Variants in FTO observed in about 807,000 individuals in gnomAD.
FTO encodes the protein FTO alpha-ketoglutarate dependent dioxygenase.
Under a neutral mutation model 63.9 loss-of-function variants are expected in FTO, and 47 were observed. That is an observed-to-expected ratio of 0.74 (90% CI 0.58 to 0.94). The LOEUF (loss-of-function observed/expected upper bound fraction) is 0.94, where lower values mean the gene tolerates loss of function less well. Ranked by LOEUF, FTO falls within the 40% of genes least tolerant of loss-of-function variation. The probability of loss-of-function intolerance (pLI) is 0.00; values close to 1 mark genes in which losing one functional copy is unlikely to be tolerated. For synonymous variants in FTO, 207 were observed against 224.4 expected, an observed-to-expected ratio of 0.92 and a Z score of 0.69; for missense variants, 562 against 618.1, an observed-to-expected ratio of 0.91 and a Z score of 0.96.
chr16:53,814,797 A>G (rs992548060), intron 2 of FTO: 1 of 152,200 alleles, frequency 6.6e-6, no homozygotes, highest in African/African-American at 2.4e-5. Flanking sequence ...CATATTCATT[A>G]AGTTACTTAC....
intron 1 of FTO, among the ~76,000 whole-genome samples, chr16:53,797,415 G>A (rs2078104832): frequency 6.6e-6 from 1 of 152,158 alleles, no homozygotes; most frequent in African/African-American, 2.4e-5. Context: ...TTTTTTGGAG[G>A]TTTAGGGGGA....
chr16:54,007,244 C>T (rs2084230053), intron 8 of FTO, among the ~76,000 whole-genome samples: 1 of 152,028 alleles, frequency 6.6e-6, no homozygotes, highest in Non-Finnish European at 1.5e-5. Context: ...CAGCATGGCA[C>T]ATGTATACAT....
chr16:53,996,630 G>A (rs901536309), intron 8 of FTO, among the ~76,000 whole-genome samples: 1 of 152,094 alleles, frequency 6.6e-6, no homozygotes, highest in Non-Finnish European at 1.5e-5. Context: ...CTCTTATGCT[G>A]CTGATATGCC....
chr16:53,748,579 T>A (rs950005754), intron 1 of FTO, among the ~76,000 whole-genome samples: 1 of 151,778 alleles, frequency 6.6e-6, no homozygotes, highest in Non-Finnish European at 1.5e-5. Context: ...CTCAGCCTCC[T>A]GAGTAGCTGG....
At chr16:53,842,934 CA>C (rs778003048) in intron 3 of FTO, among the ~76,000 whole-genome samples, 95 of 152,294 alleles carry the variant, frequency 6.2e-4, no homozygotes, top group Non-Finnish European at 1.2e-3. Context: ...CTTGGCCTCC[CA>C]AAGTGCTGGG....
intron 1 of FTO, among the ~76,000 whole-genome samples, chr16:53,706,019 G>A (rs1319846253): frequency 1.3e-5 from 2 of 152,104 alleles, no homozygotes; most frequent in East Asian, 3.9e-4. Context: ...CTTGCCCAAG[G>A]CCACTTGGTT....
chr16:54,110,873 A>G (rs1422686810), intron 8 of FTO, among the ~76,000 whole-genome samples: 1 of 152,190 alleles, frequency 6.6e-6, no homozygotes, highest in Non-Finnish European at 1.5e-5. Flanking sequence ...TCATTCCTTA[A>G]TGCAATCTGT....
intron 1 of FTO, among the ~76,000 whole-genome samples, chr16:53,704,641 T>C (rs1336202318): frequency 1.3e-5 from 2 of 152,188 alleles, no homozygotes; most frequent in Admixed American, 6.5e-5. Context: ...TTTGGAACAA[T>C]TGTCTCCGTG....
chr16:53,751,181 A>T (rs2076780119), intron 1 of FTO, among the ~76,000 whole-genome samples: 1 of 132,030 alleles, frequency 7.6e-6, no homozygotes, highest in Admixed American at 7.1e-5. Flanking sequence ...GGCCAAGGCG[A>T]GAGATCACTT....
intron 1 of FTO, among the ~76,000 whole-genome samples, chr16:53,717,648 T>G (rs2075926317): frequency 6.6e-6 from 1 of 152,114 alleles, no homozygotes; most frequent in Non-Finnish European, 1.5e-5. Flanking sequence ...AGTATTAGAT[T>G]AACAGTCATG....
chr16:53,974,422 G>A (rs1367505842), intron 8 of FTO, among the ~76,000 whole-genome samples: 1 of 152,102 alleles, frequency 6.6e-6, no homozygotes, highest in Non-Finnish European at 1.5e-5. Context: ...AGTAAAGATG[G>A]CTAATAAAAA....
At chr16:53,784,865 C>G (rs576641147) in intron 1 of FTO, among the ~76,000 whole-genome samples, 7 of 152,130 alleles carry the variant, frequency 4.6e-5, no homozygotes, top group African/African-American at 1.4e-4. Flanking sequence ...GAACTCAGTT[C>G]ATTTACCTCT....
At chr16:53,809,998 A>T (rs922446632) in intron 1 of FTO, 142 bp from the exon 2 acceptor site, 2 of 593,260 alleles carry the variant, frequency 3.4e-6, no homozygotes, top group African/African-American at 3.8e-5. Flanking sequence ...TATAATTGAG[A>T]TTTGACTAAT....
At chr16:53,781,241 G>A (rs573551462) in intron 1 of FTO, among the ~76,000 whole-genome samples, 3 of 152,292 alleles carry the variant, frequency 2.0e-5, no homozygotes, top group African/African-American at 4.8e-5. Flanking sequence ...AGTAGTTCCT[G>A]GTATTTGTAC....
intron 3 of FTO, among the ~76,000 whole-genome samples, chr16:53,826,878 A>G (rs1235244481): frequency 6.6e-6 from 1 of 152,236 alleles, no homozygotes; most frequent in Non-Finnish European, 1.5e-5. Flanking sequence ...AGAGCTGGGA[A>G]AACAAAAATC....
intron 4 of FTO, among the ~76,000 whole-genome samples, chr16:53,852,699 CAT>C (rs2079848549): frequency 2.0e-5 from 3 of 152,316 alleles, no homozygotes; most frequent in East Asian, 1.9e-4. Context: ...GAATACTGCA[CAT>C]GTCAGGTCAA....
chr16:53,719,675 G>T (rs2075991752), intron 1 of FTO, among the ~76,000 whole-genome samples: 2 of 122,656 alleles, frequency 1.6e-5, no homozygotes, highest in East Asian at 2.3e-4. Flanking sequence ...ATTTGTTTAT[G>T]CTCTAATTCA....
Position 53,924,661 on chromosome 16 carries a change from G to A in FTO, c.1240-9324G>A, listed in dbSNP as rs551607254. ...AGCAGCCTTAAGTAGTCCAGTAGAC[G>A]TGGCACCCAGTGGTGACTTGGTGTT... is the stretch of plus-strand genomic sequence containing the variant. On this transcript the variant is annotated intron_variant, in intron 7 of 8. Coordinates refer to ENST00000471389, the MANE Select transcript of FTO (RefSeq NM_001080432.3). Among the ~76,000 whole-genome samples the A allele has an allele frequency of 3.9e-5, 6 of 152,286 alleles. No individual in the cohort carries two copies. In the South Asian group the frequency reaches 6.2e-4, roughly 16 times the overall value.
chr16:54,080,368 G>A (rs2086113028), intron 8 of FTO, among the ~76,000 whole-genome samples: 1 of 152,158 alleles, frequency 6.6e-6, no homozygotes, highest in Non-Finnish European at 1.5e-5. Context: ...GTCACTGAGT[G>A]CCAGGCATTG....
Sources: allele counts gnomAD v4.1 joint callset (sites outside exome capture counted in the v4.1 genomes callset), GRCh38; gene constraint gnomAD v4.1.1; transcripts MANE v1.5; gene names NCBI Gene and HGNC (gene_info 2026-07-23, HGNC 2026-07-21).